ZFHX3: variants seen among roughly 807,000 people sequenced by gnomAD.
The protein encoded by ZFHX3 is zinc finger homeobox 3.
Under a neutral mutation model 279.1 loss-of-function variants are expected in ZFHX3, and 42 were observed. That is an observed-to-expected ratio of 0.15 (90% CI 0.12 to 0.19). The LOEUF is 0.19. Ranked by LOEUF, ZFHX3 falls within the 10% of genes least tolerant of loss-of-function variation. The pLI, the probability that ZFHX3 is intolerant of heterozygous loss-of-function variation, is 1.00. For synonymous variants in ZFHX3, 2,293 were observed against 1,957.8 expected (o/e 1.17, Z -4.52); for missense variants, 4,981 against 4,754.0 (o/e 1.05, Z -1.40).
chr16:73,410,458 A>C (rs1463751536), intron 3 of ZFHX3, among the ~76,000 whole-genome samples: 17 of 152,192 alleles, frequency 1.1e-4, no homozygotes, highest in African/African-American at 2.9e-4. Flanking sequence ...CAAGAGTACG[A>C]TTGAATTGTT....
intron 3 of ZFHX3, among the ~76,000 whole-genome samples, chr16:73,350,834 T>C (rs1270295275): frequency 6.6e-6 from 1 of 152,200 alleles, no homozygotes; most frequent in Non-Finnish European, 1.5e-5. Context: ...GAGAAATCTC[T>C]TTGTAGGGAA....
At chr16:72,950,018 T>G (rs1960903092) in intron 3 of ZFHX3, among the ~76,000 whole-genome samples, 1 of 138,206 alleles carries the variant, frequency 7.2e-6, no homozygotes, top group African/African-American at 2.7e-5. Context: ...GGTGGAATGA[T>G]GGATGGATGA....
chr16:73,090,000 C>CTGACAATGCCTTGCCTG (rs1291979115), intron 8 of ZFHX3, among the ~76,000 whole-genome samples: 1 of 152,218 alleles, frequency 6.6e-6, no homozygotes, highest in Admixed American at 6.5e-5. Context: ...GTGTCCTCTC[C>CTGACAATGCCTTGCCTG]TGACAATGCC....
chr16:73,451,906 AT>A (rs2018286919), intron 3 of ZFHX3, among the ~76,000 whole-genome samples: 2 of 152,228 alleles, frequency 1.3e-5, no homozygotes, highest in Non-Finnish European at 2.9e-5. Flanking sequence ...TTCTTGAAAA[AT>A]ATCAAAGATT....
intron 1 of ZFHX3, among the ~76,000 whole-genome samples, chr16:73,845,197 T>G (rs1281516287): frequency 2.0e-5 from 3 of 152,110 alleles, no homozygotes; most frequent in African/African-American, 4.8e-5. Context: ...AGTGCGTTCG[T>G]GGAGGACCTG....
chr16:73,815,296 A>T (rs1960537076), intron 1 of ZFHX3, among the ~76,000 whole-genome samples: 2 of 152,186 alleles, frequency 1.3e-5, no homozygotes, highest in Admixed American at 1.3e-4. Context: ...TGATCTAAGC[A>T]TACCTGAATG....
chr16:73,491,208 T>C (rs2019051287), intron 2 of ZFHX3, among the ~76,000 whole-genome samples: 1 of 152,208 alleles, frequency 6.6e-6, no homozygotes, highest in Non-Finnish European at 1.5e-5. Context: ...CTCCTTCCTC[T>C]TGAAGCTGAG....
chr16:72,987,247 A>G (rs923264668), intron 1 of ZFHX3, among the ~76,000 whole-genome samples: 5 of 152,032 alleles, frequency 3.3e-5, no homozygotes, highest in African/African-American at 9.7e-5. Context: ...CCCTCACTCA[A>G]CTCTCATAGC....
intron 2 of ZFHX3, among the ~76,000 whole-genome samples, chr16:73,463,286 CA>C (rs1463568550): frequency 1.3e-5 from 2 of 152,184 alleles, no homozygotes; most frequent in African/African-American, 2.4e-5. Flanking sequence ...ATTGTCCCCT[CA>C]ACTTTACAGA....
chr16:73,850,139 G>C (rs1961557794), intron 1 of ZFHX3, among the ~76,000 whole-genome samples: 1 of 152,130 alleles, frequency 6.6e-6, no homozygotes, highest in Non-Finnish European at 1.5e-5. Flanking sequence ...CCTTTGATGA[G>C]GATTTACCAT....
chr16:72,919,443 G>C (rs12919323), intron 3 of ZFHX3, among the ~76,000 whole-genome samples: 23,205 of 152,164 alleles, frequency 0.15, 2,224 homozygotes, highest in Non-Finnish European at 0.22. Context: ...CTACAGGTGT[G>C]AGCCAGTGTG....
At chr16:73,703,582 G>A (rs746803041) in intron 1 of ZFHX3, among the ~76,000 whole-genome samples, 4 of 152,070 alleles carry the variant, frequency 2.6e-5, no homozygotes, top group Non-Finnish European at 5.9e-5. Context: ...TCATGAAACG[G>A]TACCCATAAC....
intron 2 of ZFHX3, among the ~76,000 whole-genome samples, chr16:73,530,321 G>A (rs1429461320): frequency 6.6e-6 from 1 of 152,166 alleles, no homozygotes; most frequent in African/African-American, 2.4e-5. Flanking sequence ...AATTACAGAA[G>A]CTACAGCTCA....
At chr16:73,523,757 T>C (rs1235701840) in intron 2 of ZFHX3, among the ~76,000 whole-genome samples, 1 of 152,086 alleles carries the variant, frequency 6.6e-6, no homozygotes, top group African/African-American at 2.4e-5. Context: ...TGCATCTACC[T>C]CGTTCCTGTT....
At chr16:73,216,150 G>T (rs2012198383) in intron 5 of ZFHX3, among the ~76,000 whole-genome samples, 1 of 152,206 alleles carries the variant, frequency 6.6e-6, no homozygotes, top group African/African-American at 2.4e-5. Flanking sequence ...ACTGTTTTAA[G>T]ATGCTAAGTT....
intron 8 of ZFHX3, among the ~76,000 whole-genome samples, chr16:73,079,807 C>G (rs571883812): frequency 6.6e-6 from 1 of 152,242 alleles, no homozygotes; most frequent in East Asian, 1.9e-4. Flanking sequence ...GTTCTCTGGC[C>G]CTTGCTTGAG....
intron 2 of ZFHX3, among the ~76,000 whole-genome samples, chr16:73,588,808 AAT>A (rs1258076656): frequency 6.6e-6 from 1 of 152,130 alleles, no homozygotes; most frequent in Non-Finnish European, 1.5e-5. Flanking sequence ...CTCTATAACA[AAT>A]AGTTTCTCTT....
intron 4 of ZFHX3, among the ~76,000 whole-genome samples, chr16:72,848,269 C>T (rs2037527143): frequency 6.6e-6 from 1 of 152,120 alleles, no homozygotes; most frequent in Admixed American, 6.5e-5. Flanking sequence ...AATCATTAAC[C>T]TTTCTCGGAG....
At chr16:73,480,654 C>A (rs999130449) in intron 2 of ZFHX3, among the ~76,000 whole-genome samples, 3 of 152,154 alleles carry the variant, frequency 2.0e-5, no homozygotes, top group Non-Finnish European at 4.4e-5. Flanking sequence ...TGCATGGTGG[C>A]CTTCTAAACG....
Sources: gnomAD v4.1 joint callset for allele counts (sites outside exome capture counted in the v4.1 genomes callset) on GRCh38, gnomAD v4.1.1 for gene constraint, MANE v1.5 for transcripts, NCBI Gene and HGNC (gene_info 2026-07-23, HGNC 2026-07-21) for gene names.